Variants in GALNT18 observed in about 807,000 individuals in gnomAD.
GALNT18 encodes polypeptide N-acetylgalactosaminyltransferase 18, also known as GalNAc-transferase 18.
In GALNT18, 44 loss-of-function variants were observed where a neutral mutation model predicts 69.5. That is an observed-to-expected ratio of 0.63 (90% CI 0.50 to 0.81). The LOEUF (loss-of-function observed/expected upper bound fraction) is 0.81. Among genes scored for constraint, GALNT18 ranks in the 40% least tolerant of loss-of-function variants. GALNT18 has a pLI of 0.00. For missense variants in GALNT18, 715 were observed against 810.0 expected (o/e 0.88, Z 1.42); for synonymous variants, 364 against 318.2 (o/e 1.14, Z -1.53).
chr11:11,510,877 T>G (rs1369378288), intron 1 of GALNT18, among the ~76,000 whole-genome samples: 1 of 152,192 alleles, frequency 6.6e-6, no homozygotes, highest in Non-Finnish European at 1.5e-5. Flanking sequence ...ATATATGCAT[T>G]CGCTGAGCTC....
chr11:11,619,453 G>T lies in GALNT18; in HGVS notation c.235+1906C>A, dbSNP rs1434824779. On this transcript the variant is annotated intron_variant, in intron 1 of 10. Coordinates refer to ENST00000227756, the MANE Select transcript of GALNT18 (RefSeq NM_198516.3). The surrounding 1 kb of genome is among the most constrained non-coding windows in gnomAD (Gnocchi z 4.9). ...CCATGTGGAACCTTAGAAATCATGT[G>T]ACATGGTCCACATTCCACATGACTG... Among the ~76,000 whole-genome samples, 1 of 152,240 alleles carries T rather than the reference G, an allele frequency of 6.6e-6. No homozygotes were observed. Among genetic ancestry groups the T allele is most frequent in the East Asian group, 1.9e-4 (1 of 5,182 alleles).
rs903704242 is a variant in GALNT18 at position 11,496,514 on chromosome 11, A to G, written c.236-47578T>C. Among the ~76,000 whole-genome samples, 1 of 152,242 alleles carries G rather than the reference A, an allele frequency of 6.6e-6. No homozygotes were observed. Among genetic ancestry groups the G allele is most frequent in the Non-Finnish European group, 1.5e-5 (1 of 68,036 alleles). ...TAAAACAGAAGATGGTTCTTAGGAA[A>G]AGATTTCCTCTTCATCAATTCTACT... is the stretch of plus-strand genomic sequence containing the variant. On this transcript the variant is annotated intron_variant, in intron 1 of 10. Transcript: ENST00000227756. The surrounding 1 kb of genome is among the most constrained non-coding windows in gnomAD (Gnocchi z 4.0).
At chr11:11,442,034 C>T (rs928884288) in intron 2 of GALNT18, among the ~76,000 whole-genome samples, 8 of 152,202 alleles carry the variant, frequency 5.3e-5, no homozygotes, top group East Asian at 1.9e-4. Context: ...TTTATCATCT[C>T]ATCATGCTGG....
intron 1 of GALNT18, among the ~76,000 whole-genome samples, chr11:11,456,197 A>G (rs1259625944): frequency 6.6e-6 from 1 of 152,202 alleles, no homozygotes; most frequent in African/African-American, 2.4e-5. Context: ...AGTGTACCCC[A>G]ATTCCATTGC....
intron 1 of GALNT18, among the ~76,000 whole-genome samples, chr11:11,567,383 G>A (rs1858679297): frequency 6.6e-6 from 1 of 152,150 alleles, no homozygotes; most frequent in Non-Finnish European, 1.5e-5. Context: ...GATTTCCACT[G>A]GGAAGGTGGA....
chr11:11,523,697 C>G lies in GALNT18; in HGVS notation c.236-74761G>C, dbSNP rs1171428794. On this transcript the variant is annotated intron_variant, in intron 1 of 10. Transcript: ENST00000227756. The surrounding 1 kb of genome is among the most constrained non-coding windows in gnomAD (Gnocchi z 4.3). ...TCGCACCACTGCACTCCAGCCTGGG[C>G]AACAGAGCGAGACTCCATCTCAAAA... Among the ~76,000 whole-genome samples the G allele has an allele frequency of 6.7e-6, 1 of 148,698 alleles. No homozygotes were observed. The highest frequency in any genetic ancestry group is 2.0e-4 in the East Asian group (1 of 5,046).
chr11:11,294,013 G>A (rs1849353305), intron 9 of GALNT18, among the ~76,000 whole-genome samples: 1 of 152,132 alleles, frequency 6.6e-6, no homozygotes, highest in Non-Finnish European at 1.5e-5. Flanking sequence ...TGGTTTTCTG[G>A]GTGTGCTGGG....
intron 1 of GALNT18, among the ~76,000 whole-genome samples, chr11:11,517,599 G>A (rs1270627860): frequency 6.6e-6 from 1 of 152,202 alleles, no homozygotes; most frequent in Admixed American, 6.5e-5. Flanking sequence ...CTCTGGGGCT[G>A]TACAGATCTG....
chr11:11,582,330 T>G lies in GALNT18; in HGVS notation c.235+39029A>C, dbSNP rs553109011. ...ATGGCCAGGAGGCAAAGGGCCTTTG[T>G]TCCCAATCATTCACTGCCCCTCCCT... is the stretch of plus-strand genomic sequence containing the variant. On this transcript the variant is annotated intron_variant, in intron 1 of 10. Transcript: ENST00000227756. This position sits in a 1 kb window ranked among gnomAD's most constrained non-coding sequence, Gnocchi z 5.0. Among the ~76,000 whole-genome samples, 16 of 152,270 alleles carry G rather than the reference T, an allele frequency of 1.1e-4. No individual in the cohort carries two copies. The highest frequency in any genetic ancestry group is 3.4e-4 in the African/African-American group (14 of 41,550).
rs565623922 is a variant in GALNT18, at chr11:11,347,343, C to T, written c.1093-6339G>A. On this transcript the variant is annotated intron_variant, in intron 6 of 10. Coordinates refer to ENST00000227756, the MANE Select transcript of GALNT18 (RefSeq NM_198516.3). This position sits in a 1 kb window ranked among gnomAD's most constrained non-coding sequence, Gnocchi z 4.0. ...TGTAGTTTGATAATCTCTTCTACTCCAAGACTCATGACTGCTCCATAGTCT... is the reference window on the plus strand; with the variant it reads ...TGTAGTTTGATAATCTCTTCTACTCTAAGACTCATGACTGCTCCATAGTCT... Among the ~76,000 whole-genome samples, 3 of 152,292 alleles carry T rather than the reference C, an allele frequency of 2.0e-5. No individual in the cohort carries two copies. In the South Asian group the frequency reaches 6.2e-4, roughly 32 times the overall value.
At chr11:11,599,793 TTA>T (rs1043728001) in intron 1 of GALNT18, among the ~76,000 whole-genome samples, 6 of 151,964 alleles carry the variant, frequency 3.9e-5, no homozygotes, top group African/African-American at 1.4e-4. Context: ...CCAATAAAAA[TTA>T]TATATATTTA....
intron 9 of GALNT18, among the ~76,000 whole-genome samples, chr11:11,301,031 T>G (rs1849485188): frequency 6.6e-6 from 1 of 152,116 alleles, no homozygotes; most frequent in South Asian, 2.1e-4. Context: ...GGGGAACTTA[T>G]CCCTATCTGC....
chr11:11,482,065 C>T (rs749139525), intron 1 of GALNT18, among the ~76,000 whole-genome samples: 21 of 152,222 alleles, frequency 1.4e-4, no homozygotes, highest in African/African-American at 2.2e-4. Context: ...TACTGGGCTA[C>T]GGGCCTCCTG....
intron 8 of GALNT18, among the ~76,000 whole-genome samples, chr11:11,327,501 C>G (rs887439863): frequency 6.6e-6 from 1 of 152,228 alleles, no homozygotes; most frequent in Non-Finnish European, 1.5e-5. Context: ...GGGACAACAG[C>G]CTTCAAGTGT....
At chr11:11,281,922 G>GA (rs1164975495) in intron 10 of GALNT18, among the ~76,000 whole-genome samples, 1 of 151,942 alleles carries the variant, frequency 6.6e-6, no homozygotes, top group East Asian at 1.9e-4. Flanking sequence ...GCTGGGAGGG[G>GA]AGGGTGCTCT....
intron 3 of GALNT18, among the ~76,000 whole-genome samples, chr11:11,423,517 CCTT>C (rs1312291443): frequency 6.6e-6 from 1 of 152,196 alleles, no homozygotes; most frequent in Non-Finnish European, 1.5e-5. Flanking sequence ...ACCCATCTCT[CCTT>C]CTTACTGAAA....
intron 1 of GALNT18, among the ~76,000 whole-genome samples, chr11:11,486,874 T>C (rs1276363848): frequency 6.6e-6 from 1 of 152,206 alleles, no homozygotes; most frequent in Non-Finnish European, 1.5e-5. Context: ...TAAAGGGAGA[T>C]GGATAAGAGC....
In GALNT18 at chr11:11,596,473, A is replaced by G. The variant is rs2133938198; in HGVS notation, c.235+24886T>C. 6.6e-6 allele frequency among the ~76,000 whole-genome samples: 1 copy of G among 152,338 alleles called. No individual in the cohort carries two copies. The highest frequency in any genetic ancestry group is 6.5e-5 in the Admixed American group (1 of 15,308). On this transcript the variant is annotated intron_variant, in intron 1 of 10. Transcript: ENST00000227756. The surrounding 1 kb of genome is among the most constrained non-coding windows in gnomAD (Gnocchi z 4.2). ...TCTGAAGTATTGCCATCTTAACAAT[A>G]TTAAGTCTTGCAGTCCATGAACATG...
chr11:11,608,394 C>T (rs1859805352), intron 1 of GALNT18, among the ~76,000 whole-genome samples: 1 of 151,946 alleles, frequency 6.6e-6, no homozygotes, highest in South Asian at 2.1e-4. Flanking sequence ...GAGTCTTGCT[C>T]TGTCACCCAG....
Sources: allele counts gnomAD v4.1 joint callset (sites outside exome capture counted in the v4.1 genomes callset), GRCh38; gene constraint gnomAD v4.1.1; non-coding constraint Gnocchi (gnomAD v3.1); transcripts MANE v1.5; gene names NCBI Gene and HGNC (gene_info 2026-07-23, HGNC 2026-07-21).